Variants in COPG2 observed in about 807,000 individuals in gnomAD.
COPG2 encodes the protein coatomer subunit gamma-2.
COPG2 carries 37 observed loss-of-function variants against 46.3 expected under a neutral mutation model. The observed-to-expected ratio is 0.80, with a 90% CI of 0.61 to 1.05. COPG2 has a LOEUF of 1.05. Among genes scored for constraint, COPG2 ranks in the 50% least tolerant of loss-of-function variants. The pLI, the probability that COPG2 is intolerant of heterozygous loss-of-function variation, is 0.00. For missense variants in COPG2, 427 were observed against 387.8 expected, an observed-to-expected ratio of 1.10 and a Z score of -0.85; for synonymous variants, 159 against 129.7, an observed-to-expected ratio of 1.23 and a Z score of -1.53.
intron 5 of COPG2, among the ~76,000 whole-genome samples, chr7:130,621,232 A>G (rs1554453595): frequency 6.6e-6 from 1 of 152,216 alleles, no homozygotes; most frequent in African/African-American, 2.4e-5. Flanking sequence ...CTCTGCCTAT[A>G]CTTCTGACAT....
At chr7:130,572,171 A>C (rs1262847181) in intron 9 of COPG2, among the ~76,000 whole-genome samples, 2 of 152,152 alleles carry the variant, frequency 1.3e-5, no homozygotes, top group African/African-American at 2.4e-5. Context: ...GGTACACCAA[A>C]ATCTCAGAAA....
At position 130,668,654 on chromosome 7, in the gene COPG2, G is replaced by C. The variant is rs782031413; in HGVS notation, c.15C>G (p.Phe5Leu). The part of the protein sequence containing the change: MIKK[F>L]DKKDEESGSG... ...TACCAGACTCCTCGTCCTTCTTGTC[G>C]AATTTTTTAATCATCTTGGACGACT... The change falls in exon 1 of 24, where the codon TTC becomes TTG. Residue 5 changes from phenylalanine to leucine, a missense_variant. By Grantham distance (22) the Phe-to-Leu change is conservative (BLOSUM62 0). Coordinates refer to ENST00000425248, the MANE Select transcript of COPG2 (RefSeq NM_012133.6). 8.4e-6 allele frequency: 13 copies of C among 1,543,122 alleles called. No homozygotes were observed. The East Asian group carries it at 3.2e-4, about 38-fold the overall frequency.
chr7:130,649,511 A>G (rs540159488), intron 5 of COPG2, among the ~76,000 whole-genome samples: 1 of 152,270 alleles, frequency 6.6e-6, no homozygotes, highest in East Asian at 1.9e-4. Flanking sequence ...CCTCCTTTCC[A>G]TGTAATTGCA....
intron 20 of COPG2, among the ~76,000 whole-genome samples, chr7:130,521,238 G>A (rs1799720536): frequency 6.6e-6 from 1 of 152,116 alleles, no homozygotes; most frequent in South Asian, 2.1e-4. Flanking sequence ...ACTAAAAATT[G>A]GACATAAGAG....
At chr7:130,597,201 GC>G (rs1294536934) in intron 9 of COPG2, among the ~76,000 whole-genome samples, 2 of 152,166 alleles carry the variant, frequency 1.3e-5, no homozygotes, top group Non-Finnish European at 2.9e-5. Flanking sequence ...TACAGAAGGA[GC>G]AGAGCCCTGC....
intron 21 of COPG2, 149 bp from the exon 22 acceptor site, chr7:130,507,972 T>C (rs902576461): frequency 1.5e-5 from 9 of 607,284 alleles, no homozygotes; most frequent in African/African-American, 1.3e-4. Context: ...TCTAATGTTG[T>C]AGCCCTTAGC....
At chr7:130,560,708 G>GT (rs1332968204) in intron 12 of COPG2, among the ~76,000 whole-genome samples, 1 of 152,112 alleles carries the variant, frequency 6.6e-6, no homozygotes, top group Non-Finnish European at 1.5e-5. Context: ...CACTCCAACA[G>GT]GGAAAAGGAA....
At chr7:130,627,118 T>A (rs1439156451) in intron 5 of COPG2, among the ~76,000 whole-genome samples, 1 of 152,234 alleles carries the variant, frequency 6.6e-6, no homozygotes, top group Non-Finnish European at 1.5e-5. Flanking sequence ...CTATTGTGCT[T>A]AAATCTTTAA....
chr7:130,638,849 C>T (rs1274995459), intron 5 of COPG2, among the ~76,000 whole-genome samples: 1 of 152,150 alleles, frequency 6.6e-6, no homozygotes. Context: ...AAACCCAGGG[C>T]CCTGGTGGCG....
intron 5 of COPG2, among the ~76,000 whole-genome samples, chr7:130,624,000 T>A (rs549334241): frequency 1.3e-5 from 2 of 152,300 alleles, no homozygotes; most frequent in South Asian, 2.1e-4. Flanking sequence ...TTCTGGAGTC[T>A]AGGAAGTCCC....
intron 20 of COPG2, among the ~76,000 whole-genome samples, chr7:130,526,628 G>A (rs2116352997): frequency 6.6e-6 from 1 of 151,830 alleles, no homozygotes; most frequent in East Asian, 1.9e-4. Context: ...TGAGGTGAAG[G>A]GGCAGGTCCC....
At chr7:130,534,771 G>A (rs937714804) in intron 20 of COPG2, among the ~76,000 whole-genome samples, 3 of 152,110 alleles carry the variant, frequency 2.0e-5, no homozygotes, top group African/African-American at 7.2e-5. Flanking sequence ...AAGAGGAAAC[G>A]GTGGATCTGG....
At chr7:130,516,374 T>A (rs1799678086) in intron 20 of COPG2, among the ~76,000 whole-genome samples, 3 of 152,098 alleles carry the variant, frequency 2.0e-5, no homozygotes, top group South Asian at 2.1e-4. Context: ...TCAAAAAGAA[T>A]ATGTATCCAT....
At chr7:130,568,624 T>C (rs887837531) in intron 9 of COPG2, among the ~76,000 whole-genome samples, 1 of 152,142 alleles carries the variant, frequency 6.6e-6, no homozygotes, top group Non-Finnish European at 1.5e-5. Flanking sequence ...TGTACTTCAA[T>C]ACTCCACTGA....
intron 20 of COPG2, among the ~76,000 whole-genome samples, chr7:130,545,935 T>C (rs1793435983): frequency 6.6e-6 from 1 of 152,206 alleles, no homozygotes; most frequent in Non-Finnish European, 1.5e-5. Flanking sequence ...TTTGGTATTA[T>C]AAAATTATAC....
In COPG2 at chr7:130,561,189, G is replaced by A; in HGVS notation, c.972C>T (p.Ala324=). 1 of 398,578 alleles carries A rather than the reference G, an allele frequency of 2.5e-6. No individual in the cohort carries two copies. The highest frequency in any genetic ancestry group is 4.4e-6 in the Non-Finnish European group (1 of 226,054). The allele number at this position is 398,578 out of a possible 1,614,324, so 24.7% of individuals were successfully genotyped here. ...TTAAGTTTTCTAAGTCCAGATTGCA[G>A]GCAGTAACAGCAGAGGGGTGCTTCA... ...VAMKHPSAVT[A]CNLDLENLIT... Residue 324 remains alanine, a synonymous_variant, in exon 12 of 24, where the codon GCC becomes GCT. Coordinates refer to ENST00000425248, the MANE Select transcript of COPG2 (RefSeq NM_012133.6).
chr7:130,576,208 C>T (rs187966287), intron 9 of COPG2, among the ~76,000 whole-genome samples: 2 of 152,262 alleles, frequency 1.3e-5, no homozygotes, highest in Non-Finnish European at 2.9e-5. Context: ...ACTATACCTT[C>T]GAACAAATGG....
At chr7:130,541,168 G>T (rs1259361610) in intron 20 of COPG2, among the ~76,000 whole-genome samples, 1 of 152,136 alleles carries the variant, frequency 6.6e-6, no homozygotes, top group Non-Finnish European at 1.5e-5. Context: ...AGATGACAGC[G>T]AGCAGATGGA....
chr7:130,537,201 G>C (rs1451752446), intron 20 of COPG2, among the ~76,000 whole-genome samples: 6 of 152,118 alleles, frequency 3.9e-5, no homozygotes, highest in Non-Finnish European at 8.8e-5. Flanking sequence ...TCCCCAGAGT[G>C]TTTTTCCACA....
Sources: allele counts gnomAD v4.1 joint callset (sites outside exome capture counted in the v4.1 genomes callset), GRCh38; gene constraint gnomAD v4.1.1; transcripts MANE v1.5; gene names NCBI Gene and HGNC (gene_info 2026-07-23, HGNC 2026-07-21).